ADD1: variants seen among roughly 807,000 people sequenced by gnomAD.
ADD1 encodes the protein alpha-adducin.
Under a neutral mutation model 80.5 loss-of-function variants are expected in ADD1, and 24 were observed. The ratio of observed to expected loss-of-function variants is 0.30; its 90% CI spans 0.22 to 0.42. The LOEUF (loss-of-function observed/expected upper bound fraction) is 0.42. Among genes scored for constraint, ADD1 ranks in the 10% least tolerant of loss-of-function variants. ADD1 has a pLI of 1.00. For synonymous variants in ADD1, 373 were observed against 393.8 expected, an observed-to-expected ratio of 0.95 and a Z score of 0.63; for missense variants, 948 against 1,019.0, an observed-to-expected ratio of 0.93 and a Z score of 0.95.
At chr4:2,886,683 C>T (rs145233771) in intron 4 of ADD1, among the ~76,000 whole-genome samples, 2 of 152,252 alleles carry the variant, frequency 1.3e-5, no homozygotes, top group African/African-American at 2.4e-5. Flanking sequence ...CTGAATGAAA[C>T]CCCCGGCTGA....
intron 1 of ADD1, among the ~76,000 whole-genome samples, chr4:2,874,258 T>G (rs1164365408): frequency 1.3e-5 from 2 of 152,118 alleles, no homozygotes; most frequent in East Asian, 3.8e-4. Flanking sequence ...CATTAGTTCG[T>G]TTATTCTATG....
intron 13 of ADD1, among the ~76,000 whole-genome samples, chr4:2,910,601 C>G (rs1169763334): frequency 5.9e-5 from 9 of 152,274 alleles, no homozygotes; most frequent in Admixed American, 4.6e-4. Context: ...CAGCTGGCCT[C>G]CTGTGTAGAG....
intron 13 of ADD1, 77 bp downstream of exon 13, chr4:2,909,508 C>A: frequency 2.0e-6 from 2 of 1,013,536 alleles, no homozygotes; most frequent in Non-Finnish European, 2.9e-6. Flanking sequence ...CTCCTCTCTT[C>A]AGGCATTGTC....
chr4:2,888,188 T>G (rs962521891), intron 4 of ADD1, among the ~76,000 whole-genome samples: 5 of 151,206 alleles, frequency 3.3e-5, no homozygotes, highest in Admixed American at 2.6e-4. Flanking sequence ...GCCTCCCAAG[T>G]AGCAGGAACA....
intron 14 of ADD1, among the ~76,000 whole-genome samples, chr4:2,915,417 G>C (rs1411487686): frequency 6.6e-6 from 1 of 152,220 alleles, no homozygotes; most frequent in Admixed American, 6.5e-5. Context: ...GAGGCGGGCG[G>C]ATCACGAGGT....
Position 2,876,108 on chromosome 4 carries a change from C to T in ADD1, c.193C>T (p.Pro65Ser). The T allele has an allele frequency of 6.2e-7, 1 of 1,610,662 alleles. No individual in the cohort carries two copies. Among genetic ancestry groups the T allele is most frequent in the African/African-American group, 1.3e-5 (1 of 74,852 alleles). Residue 65 changes from proline (P) to serine (S), a missense_variant and splice_region_variant, in exon 2 of 16, where the codon CCT (proline) becomes TCT (serine). Coordinates refer to ENST00000683351, the MANE Select transcript of ADD1 (RefSeq NM_001354761.2). ...GAGGGTGTCCATGATTCTGCAAAGC[C>T]CTGTGAGAAGAGAAGTCTTTTCTCT... ...KKRVSMILQS[P>S]AFCEELESMI... is the part of the protein sequence containing the mutation.
intron 9 of ADD1, among the ~76,000 whole-genome samples, chr4:2,904,368 T>C (rs1296796504): frequency 1.3e-5 from 2 of 152,202 alleles, no homozygotes; most frequent in Non-Finnish European, 2.9e-5. Context: ...TTCTGCACTT[T>C]TAATGAATGG....
chr4:2,903,779 A>C (rs1235496780), intron 9 of ADD1, among the ~76,000 whole-genome samples: 1 of 152,104 alleles, frequency 6.6e-6, no homozygotes. Flanking sequence ...ACACTTACCA[A>C]GTGTGGCCAG....
chr4:2,897,382 T>C (rs1735412022), intron 6 of ADD1, among the ~76,000 whole-genome samples: 1 of 149,480 alleles, frequency 6.7e-6, no homozygotes, highest in Non-Finnish European at 1.5e-5. Flanking sequence ...GTAGAGAAAT[T>C]ATATAAGAAA....
At chr4:2,892,803 A>T (rs1398762904) in intron 4 of ADD1, among the ~76,000 whole-genome samples, 1 of 152,100 alleles carries the variant, frequency 6.6e-6, no homozygotes, top group Non-Finnish European at 1.5e-5. Context: ...ACTGCATTAC[A>T]GCCTGGGTAA....
At position 2,898,314 on chromosome 4, in the gene ADD1, G is replaced by T. The variant is rs372354688; in HGVS notation, c.872G>T (p.Gly291Val). ...EEKVLIQKNL[G>V]PKSKVLILRN... is the part of the protein sequence containing the mutation. Reference sequence around the variant, plus strand: ...AAAGTTTTGATTCAGAAAAATCTGGGGCCTAAAAGCAAGGTCAGTAGGCAT... The same window carrying T: ...AAAGTTTTGATTCAGAAAAATCTGGTGCCTAAAAGCAAGGTCAGTAGGCAT... Residue 291 changes from glycine (G) to valine (V), a missense_variant, in exon 7 of 16, where the codon GGG (glycine) becomes GTG (valine). Gly to Val is a moderately radical substitution (Grantham distance 109, BLOSUM62 -3). Transcript: ENST00000683351. 2.6e-5 allele frequency: 42 copies of T among 1,614,000 alleles called. No homozygotes were observed. Among genetic ancestry groups the T allele is most frequent in the Non-Finnish European group, 3.6e-5 (42 of 1,180,038 alleles).
In ADD1 at chr4:2,899,434, T is replaced by G; in HGVS notation, c.1160T>G (p.Leu387Arg). The G allele has an allele frequency of 6.2e-7, 1 of 1,614,210 alleles. No individual in the cohort carries two copies. The change falls in exon 9 of 16, where the codon CTG becomes CGG. Residue 387 changes from leucine (L) to arginine (R), a missense_variant and splice_region_variant. By Grantham distance (102) the Leu-to-Arg change is moderately radical. Coordinates refer to ENST00000683351, the MANE Select transcript of ADD1 (RefSeq NM_001354761.2). Reference sequence around the variant, plus strand: ...GCCCTCATGCGGATGCTCGATAATCTGGTAAGAATGGTGCCACCACTTGAT... The same window carrying G: ...GCCCTCATGCGGATGCTCGATAATCGGGTAAGAATGGTGCCACCACTTGAT... ...FEALMRMLDN[L>R]GYRTGYPYRY...
At chr4:2,908,471 G>A (rs1440706356) in intron 11 of ADD1, 44 bp from the exon 12 acceptor site, 1 of 1,565,148 alleles carries the variant, frequency 6.4e-7, no homozygotes, top group Non-Finnish European at 8.8e-7. Flanking sequence ...AGGCAGCATG[G>A]CTGCTCAGGA....
At chr4:2,888,242 C>T (rs1302361798) in intron 4 of ADD1, among the ~76,000 whole-genome samples, 1 of 151,276 alleles carries the variant, frequency 6.6e-6, no homozygotes, top group African/African-American at 2.4e-5. Context: ...ATGCCACTAG[C>T]TGATTTTAGT....
intron 1 of ADD1, among the ~76,000 whole-genome samples, chr4:2,848,029 G>C (rs1726516347): frequency 6.6e-6 from 1 of 152,062 alleles, no homozygotes; most frequent in African/African-American, 2.4e-5. Flanking sequence ...AGCCTGGCCA[G>C]CATGATGAAA....
At chr4:2,853,108 T>C (rs892068183) in intron 1 of ADD1, 3 of 136,118 alleles carry the variant, frequency 2.2e-5, no homozygotes, top group African/African-American at 7.8e-5. Context: ...GGTCACTTAC[T>C]TTTTTTTTTT....
At chr4:2,847,504 A>C (rs563328609) in intron 1 of ADD1, among the ~76,000 whole-genome samples, 12 of 152,196 alleles carry the variant, frequency 7.9e-5, no homozygotes, top group Admixed American at 2.6e-4. Context: ...TTTTGGTTCT[A>C]CTTGCTCACT....
At chr4:2,882,643 G>T (rs564260603) in intron 3 of ADD1, among the ~76,000 whole-genome samples, 35 of 152,310 alleles carry the variant, frequency 2.3e-4, no homozygotes, top group South Asian at 4.1e-4. Flanking sequence ...CTGATTGCCC[G>T]AAATAAGGTA....
chr4:2,928,156 C>T lies in ADD1; in HGVS notation c.2048-15C>T. ...GGCAGGAACCCTTAATCCCATCTCTCACCTCACCCACTAGACCTTGTGCCG... is the reference window on the plus strand; with the variant it reads ...GGCAGGAACCCTTAATCCCATCTCTTACCTCACCCACTAGACCTTGTGCCG... On this transcript the variant is annotated splice_polypyrimidine_tract_variant and intron_variant, in intron 15 of 15. Transcript: ENST00000683351. 6.2e-7 allele frequency: 1 copy of T among 1,612,210 alleles called. No homozygotes were observed. Among genetic ancestry groups the T allele is most frequent in the Non-Finnish European group, 8.5e-7 (1 of 1,178,752 alleles).
Sources: gnomAD v4.1 joint callset for allele counts (sites outside exome capture counted in the v4.1 genomes callset) on GRCh38, gnomAD v4.1.1 for gene constraint, MANE v1.5 for transcripts, NCBI Gene and HGNC (gene_info 2026-07-23, HGNC 2026-07-21) for gene names.